Variants in PDE1C observed in about 807,000 individuals in gnomAD.
PDE1C encodes the protein phosphodiesterase 1C, also known as dual specificity calcium/calmodulin-dependent 3',5'-cyclic nucleotide phosphodiesterase 1C.
In PDE1C, 62 loss-of-function variants were observed where a neutral mutation model predicts 93.1. The ratio of observed to expected loss-of-function variants is 0.67; its 90% CI spans 0.54 to 0.82. PDE1C has a LOEUF of 0.82. PDE1C is among the 40% of genes least tolerant of loss of function. PDE1C has a pLI of 0.00. For missense variants in PDE1C, 742 were observed against 884.6 expected, an observed-to-expected ratio of 0.84 and a Z score of 2.04; for synonymous variants, 325 against 310.1, an observed-to-expected ratio of 1.05 and a Z score of -0.50.
chr7:32,182,499 G>GCAAAT lies in PDE1C; in HGVS notation c.137-12548_137-12544dup, dbSNP rs560916138. 2.7e-4 allele frequency among the ~76,000 whole-genome samples: 41 copies of GCAAAT among 152,200 alleles called. No individual in the cohort carries two copies. The East Asian group carries it at 7.5e-3, about 28-fold the overall frequency. ...GGGATGCAAGGCTGGTTCAACATAC[G>GCAAAT]CAAATCAATAAACGTAATCCAGCAC... On this transcript the variant is annotated intron_variant, in intron 2 of 18. Coordinates refer to the PDE1C transcript ENST00000396193.
intron 3 of PDE1C, among the ~76,000 whole-genome samples, chr7:32,109,942 G>A (rs901904733): frequency 6.6e-6 from 1 of 152,070 alleles, no homozygotes. Flanking sequence ...TAAACTCAAA[G>A]TGAAATGTAC....
At chr7:31,925,090 T>TGC (rs1215169502) in intron 2 of PDE1C, among the ~76,000 whole-genome samples, 8 of 130,746 alleles carry the variant, frequency 6.1e-5, no homozygotes, top group South Asian at 2.5e-4. Context: ...TGTGTGTGTG[T>TGC]GCATGCGCAT....
chr7:31,651,969 T>G, the PDE1C span: 19 of 1,603,440 alleles, frequency 1.2e-5, no homozygotes, highest in Non-Finnish European at 1.6e-5. Context: ...AAACGTTACG[T>G]GAGGCCCTGA....
intron 2 of PDE1C, among the ~76,000 whole-genome samples, chr7:32,204,210 G>T (rs1805242583): frequency 6.6e-6 from 1 of 152,166 alleles, no homozygotes; most frequent in African/African-American, 2.4e-5. Flanking sequence ...GGCAGAGTGA[G>T]ATTTCATCTC....
At chr7:32,300,456 T>G (rs1419683491), upstream of PDE1C, among the ~76,000 whole-genome samples, 1 of 152,184 alleles carries the variant, frequency 6.6e-6, no homozygotes, top group Non-Finnish European at 1.5e-5. Flanking sequence ...TCCTTGAGAC[T>G]GTAATACCCA....
At chr7:31,895,552 G>A (rs1023817129) in intron 2 of PDE1C, among the ~76,000 whole-genome samples, 1 of 150,436 alleles carries the variant, frequency 6.6e-6, no homozygotes, top group African/African-American at 2.5e-5. Context: ...GTGGTTTCAT[G>A]AATTGGATTA....
rs952180463 is a variant in PDE1C at position 31,763,005 on chromosome 7, G to A, written c.1961-9452C>T. The stretch of plus-strand genomic sequence containing the variant: ...CAGATTGCTTGGGGAGCTTTGAAAA[G>A]TACTGATGCCCAAGCCTTACCCCCA... On this transcript the variant is annotated intron_variant, in intron 17 of 17. Coordinates refer to ENST00000396191, the MANE Select transcript of PDE1C (RefSeq NM_001191057.4). Among the ~76,000 whole-genome samples the A allele has an allele frequency of 2.5e-4, 38 of 152,274 alleles. 1 individual carries two copies. The highest frequency in any genetic ancestry group is 8.7e-4 in the African/African-American group (36 of 41,562).
chr7:31,988,020 GGGAA>G (rs1440349251), intron 2 of PDE1C, among the ~76,000 whole-genome samples: 1 of 152,200 alleles, frequency 6.6e-6, no homozygotes, highest in African/African-American at 2.4e-5. Context: ...AAAGTAGAAA[GGGAA>G]GGAAGTTAGG....
chr7:31,895,982 C>T (rs920241563), intron 2 of PDE1C, among the ~76,000 whole-genome samples: 1 of 151,152 alleles, frequency 6.6e-6, no homozygotes, highest in African/African-American at 2.4e-5. Flanking sequence ...CAGACTAATA[C>T]ACTCTCCCTT....
At chr7:31,773,213 G>C (rs1360061022) in intron 17 of PDE1C, among the ~76,000 whole-genome samples, 1 of 152,124 alleles carries the variant, frequency 6.6e-6, no homozygotes, top group Non-Finnish European at 1.5e-5. Context: ...AGTCCTGTAG[G>C]GCAGAGGATT....
At chr7:32,329,743 T>C (rs1273751073) in intron 1 of PDE1C, among the ~76,000 whole-genome samples, 9 of 152,242 alleles carry the variant, frequency 5.9e-5, no homozygotes, top group South Asian at 2.1e-4. Flanking sequence ...TTTCCCTTTA[T>C]TTTTAGTGTT....
intron 1 of PDE1C, among the ~76,000 whole-genome samples, chr7:32,417,060 G>T (rs1785289727): frequency 6.6e-6 from 1 of 152,118 alleles, no homozygotes; most frequent in Admixed American, 6.6e-5. Context: ...TTTAAATGCT[G>T]CCACCTCCCT....
In PDE1C at chr7:32,169,847, C is replaced by T. The variant is rs977626; in HGVS notation, c.246G>A (p.Glu82=). 674,669 of 1,611,204 alleles carry T rather than the reference C, an allele frequency of 0.42. 149,480 individuals are homozygous for T. The highest frequency in any genetic ancestry group is 0.81 in the East Asian group (36,226 of 44,830). ...GCTGTGGCAATTCATCAGCTAGGAT[C>T]TCCTCTGGGGGTCGAGGGTCATGGA... Residue 82 remains glutamate (E), a synonymous_variant, in exon 3 of 19, where the codon GAG becomes GAA. Transcript: ENST00000396193.
chr7:32,082,184 TA>T (rs1379882732), intron 3 of PDE1C, among the ~76,000 whole-genome samples: 1 of 152,274 alleles, frequency 6.6e-6, no homozygotes, highest in Non-Finnish European at 1.5e-5. Context: ...CCGACGGGCT[TA>T]AAAAACGGTG....
intron 1 of PDE1C, among the ~76,000 whole-genome samples, chr7:32,333,270 G>T (rs1038362436): frequency 3.3e-5 from 5 of 152,160 alleles, no homozygotes; most frequent in Non-Finnish European, 5.9e-5. Flanking sequence ...GCCATGATAT[G>T]TTGTTATCAC....
chr7:31,991,323 C>CCA (rs1334676689), intron 2 of PDE1C, among the ~76,000 whole-genome samples: 1 of 152,134 alleles, frequency 6.6e-6, no homozygotes, highest in Non-Finnish European at 1.5e-5. Context: ...CGAGGTTAGG[C>CCA]CCTCTGAGGC....
chr7:32,418,868 A>T (rs1331467164), intron 1 of PDE1C, among the ~76,000 whole-genome samples: 1 of 152,080 alleles, frequency 6.6e-6, no homozygotes, highest in African/African-American at 2.4e-5. Context: ...GGTCCACCCG[A>T]CTCCTGGAGC....
intron 3 of PDE1C, among the ~76,000 whole-genome samples, chr7:32,116,715 G>A (rs923325728): frequency 6.6e-6 from 1 of 152,150 alleles, no homozygotes; most frequent in Non-Finnish European, 1.5e-5. Context: ...AGAGTGAGAA[G>A]CCAGAATACA....
chr7:31,667,825 A>G, the PDE1C span, among the ~76,000 whole-genome samples: 1 of 151,904 alleles, frequency 6.6e-6, no homozygotes, highest in East Asian at 1.9e-4. Context: ...GCTGAGGTGG[A>G]GGATGAATCT....
Sources: allele counts gnomAD v4.1 joint callset (sites outside exome capture counted in the v4.1 genomes callset), GRCh38; gene constraint gnomAD v4.1.1; transcripts MANE v1.5; gene names NCBI Gene and HGNC (gene_info 2026-07-23, HGNC 2026-07-21).